SYNE2: variants seen among roughly 807,000 people sequenced by gnomAD.
The protein encoded by SYNE2 is spectrin repeat containing nuclear envelope protein 2, also known as nesprin-2.
In SYNE2, 431 loss-of-function variants were observed where a neutral mutation model predicts 856.3. That is an observed-to-expected ratio of 0.50 (90% confidence interval 0.47 to 0.55). SYNE2 has a LOEUF of 0.55. SYNE2 is among the 20% of genes least tolerant of loss of function. The probability of loss-of-function intolerance (pLI) is 0.00; values close to 1 mark genes in which losing one functional copy is unlikely to be tolerated. For missense variants in SYNE2, 8,129 were observed against 8,023.2 expected, an observed-to-expected ratio of 1.01 and a Z score of -0.50; for synonymous variants, 2,923 against 2,872.3, an observed-to-expected ratio of 1.02 and a Z score of -0.56.
At chr14:64,064,803 C>A (rs990097072) in intron 50 of SYNE2, among the ~76,000 whole-genome samples, 1 of 151,522 alleles carries the variant, frequency 6.6e-6, no homozygotes, top group African/African-American at 2.4e-5. Flanking sequence ...ATCCTCCTGC[C>A]TCAGTCTCCC....
Position 63,954,925 on chromosome 14 carries a change from C to G in SYNE2, c.787+10C>G. 6.2e-7 allele frequency: 1 copy of G among 1,606,732 alleles called. No homozygotes were observed. Among genetic ancestry groups the G allele is most frequent in the Non-Finnish European group, 8.5e-7 (1 of 1,175,902 alleles). The stretch of plus-strand genomic sequence containing the variant: ...TTGCTGGAACCAGAAGGTAAAGAAG[C>G]TTCTTTGTTTTTAAAACAATCTTTA... On this transcript the variant is annotated intron_variant, in intron 8 of 115. Coordinates refer to ENST00000555002, the MANE Select transcript of SYNE2 (RefSeq NM_182914.3).
intron 1 of SYNE2, among the ~76,000 whole-genome samples, chr14:63,859,036 G>A (rs1872568673): frequency 2.0e-5 from 3 of 152,146 alleles, no homozygotes; most frequent in Non-Finnish European, 4.4e-5. Context: ...CCCCACCTAT[G>A]CCAGGAACAT....
In SYNE2 at chr14:63,812,229, A is replaced by G. The variant is rs1291441344; in HGVS notation, c.-304-40272A>G. Among the ~76,000 whole-genome samples, 5 of 152,122 alleles carry G rather than the reference A, an allele frequency of 3.3e-5. No individual in the cohort carries two copies. The East Asian group carries it at 9.6e-4, about 29-fold the overall frequency. ...GCATTCCTTTCCCAGGGTCTTAATT[A>G]TTAATATTCCTTGCTAGGAAAAGAA... On this transcript the variant is annotated intron_variant, in intron 1 of 23. Coordinates refer to the SYNE2 transcript ENST00000674003.
At chr14:63,847,604 G>A (rs1021567907) in intron 1 of SYNE2, among the ~76,000 whole-genome samples, 2 of 59,916 alleles carry the variant, frequency 3.3e-5, no homozygotes, top group African/African-American at 6.7e-5. Context: ...TTTTTTTTTT[G>A]AGACGGAGTC....
chr14:63,838,238 A>G (rs1310652197), intron 1 of SYNE2, among the ~76,000 whole-genome samples: 4 of 151,980 alleles, frequency 2.6e-5, no homozygotes, highest in Non-Finnish European at 5.9e-5. Flanking sequence ...GCATGGTGGC[A>G]TGCTCCTGTA....
chr14:64,177,625 A>G (rs1158897712), intron 96 of SYNE2, 142 bp downstream of exon 96: 16 of 1,085,340 alleles, frequency 1.5e-5, no homozygotes, highest in Admixed American at 4.0e-5. Flanking sequence ...CTAACATAAC[A>G]TGCTCGTCTC....
intron 1 of SYNE2, among the ~76,000 whole-genome samples, chr14:63,892,100 CT>C (rs2095145862): frequency 6.6e-6 from 1 of 152,060 alleles, no homozygotes; most frequent in Admixed American, 6.6e-5. Context: ...TTTTAAATAT[CT>C]TGGGGAGACT....
intron 96 of SYNE2, among the ~76,000 whole-genome samples, chr14:64,182,965 G>T (rs1306571594): frequency 6.6e-6 from 1 of 150,890 alleles, no homozygotes; most frequent in Non-Finnish European, 1.5e-5. Flanking sequence ...GGGCGGCCGG[G>T]CAGAGGCGCC....
At chr14:64,100,529 AAAATATATATATATATAT>A (rs1357815618) in intron 63 of SYNE2, among the ~76,000 whole-genome samples, 43 of 57,640 alleles carry the variant, frequency 7.5e-4, no homozygotes, top group South Asian at 2.7e-3. Context: ...AAAAAAAAAA[AAAATATATATATATATAT>A]ATATATATAT....
intron 1 of SYNE2, among the ~76,000 whole-genome samples, chr14:63,898,947 C>A (rs1181497262): frequency 6.6e-6 from 1 of 152,164 alleles, no homozygotes; most frequent in Non-Finnish European, 1.5e-5. Context: ...GTGTAACCAT[C>A]ACCACCATCC....
At chr14:64,205,239 T>A (rs925349234) in intron 100 of SYNE2, among the ~76,000 whole-genome samples, 1 of 152,214 alleles carries the variant, frequency 6.6e-6, no homozygotes, top group African/African-American at 2.4e-5. Context: ...GTCATTGTCA[T>A]TATTCTGCCT....
chr14:64,174,390 ATTGTTTTTAAT>A (rs199657440), intron 94 of SYNE2, among the ~76,000 whole-genome samples: 3,436 of 152,302 alleles, frequency 0.023, 45 homozygotes, highest in African/African-American at 0.037. Flanking sequence ...TTGTTTTTAA[ATTGTTTTTAAT>A]TTTCAGAAAG....
At chr14:63,885,545 T>A (rs1415790482) in intron 1 of SYNE2, among the ~76,000 whole-genome samples, 1 of 152,224 alleles carries the variant, frequency 6.6e-6, no homozygotes, top group Non-Finnish European at 1.5e-5. Context: ...AGAACATTAA[T>A]TCTGGACCAT....
At chr14:63,799,477 C>T (rs1276839848) in intron 1 of SYNE2, among the ~76,000 whole-genome samples, 1 of 150,386 alleles carries the variant, frequency 6.6e-6, no homozygotes, top group Non-Finnish European at 1.5e-5. Context: ...AAGTGGATCA[C>T]GAGGTCAGAT....
intron 114 of SYNE2, among the ~76,000 whole-genome samples, 198 bp downstream of exon 114, chr14:64,224,745 A>G (rs986167662): frequency 6.6e-6 from 1 of 152,158 alleles, no homozygotes; most frequent in Admixed American, 6.5e-5. Context: ...GAGCTCTTAT[A>G]GTGTCGCTAA....
intron 112 of SYNE2, among the ~76,000 whole-genome samples, 163 bp downstream of exon 112, chr14:64,221,867 G>A (rs945989429): frequency 4.6e-5 from 7 of 152,182 alleles, no homozygotes; most frequent in Admixed American, 1.3e-4. Context: ...GGTGTTTACC[G>A]AGCTGCCCTT....
intron 1 of SYNE2, among the ~76,000 whole-genome samples, chr14:63,867,298 A>C (rs1345069133): frequency 1.3e-5 from 2 of 151,916 alleles, no homozygotes; most frequent in Non-Finnish European, 2.9e-5. Context: ...CATATGAAGT[A>C]GTTAACAGAT....
At chr14:63,916,644 T>A (rs926634514) in intron 2 of SYNE2, among the ~76,000 whole-genome samples, 2 of 152,226 alleles carry the variant, frequency 1.3e-5, no homozygotes, top group African/African-American at 4.8e-5. Context: ...ACATGATTTC[T>A]TTAGGCTTCA....
chr14:64,125,189 A>G lies in SYNE2; in HGVS notation c.13533A>G (p.Glu4511=), dbSNP rs748772021. 4.3e-6 allele frequency: 7 copies of G among 1,614,050 alleles called. No individual in the cohort carries two copies. Among genetic ancestry groups the G allele is most frequent in the Non-Finnish European group, 5.9e-6 (7 of 1,180,018 alleles). ...YTTQLEDLRQ[E]ASNLQTQENM... Reference sequence around the variant, plus strand: ...CCCAACTTGAAGACCTGCGCCAAGAAGCAAGTAACCTTCAGACACAGGTAG... The same window carrying G: ...CCCAACTTGAAGACCTGCGCCAAGAGGCAAGTAACCTTCAGACACAGGTAG... Residue 4511 remains glutamate (E), a synonymous_variant, in exon 71 of 116, where the codon GAA becomes GAG. Coordinates refer to ENST00000555002, the MANE Select transcript of SYNE2 (RefSeq NM_182914.3).
Sources: allele counts gnomAD v4.1 joint callset (sites outside exome capture counted in the v4.1 genomes callset), GRCh38; gene constraint gnomAD v4.1.1; transcripts MANE v1.5; gene names NCBI Gene and HGNC (gene_info 2026-07-23, HGNC 2026-07-21).